The following TBCE variants were observed in gnomAD, a reference collection of about 807,000 sequenced individuals.
The protein encoded by TBCE is tubulin-specific chaperone E.
Under a neutral mutation model 77.0 loss-of-function variants are expected in TBCE, and 53 were observed. The ratio of observed to expected loss-of-function variants is 0.69; its 90% CI spans 0.55 to 0.87. The LOEUF (loss-of-function observed/expected upper bound fraction) is 0.87, where lower values mean the gene tolerates loss of function less well. Among genes scored for constraint, TBCE ranks in the 40% least tolerant of loss-of-function variants. TBCE has a pLI of 0.00. For missense variants in TBCE, 624 were observed against 622.4 expected, an observed-to-expected ratio of 1.00 and a Z score of -0.03; for synonymous variants, 235 against 241.3, an observed-to-expected ratio of 0.97 and a Z score of 0.24.
intron 15 of TBCE, among the ~76,000 whole-genome samples, chr1:235,446,430 G>C (rs1257909434): frequency 3.3e-5 from 5 of 151,970 alleles, no homozygotes; most frequent in Admixed American, 2.0e-4. Context: ...GCCCGCCTCG[G>C]CCTCCCAAAG....
At position 235,436,486 on chromosome 1, in the gene TBCE, C is replaced by G. The variant is rs369669769; in HGVS notation, c.898+36C>G. 2.0e-5 allele frequency: 32 copies of G among 1,610,500 alleles called. 1 individual carries two copies. The highest frequency in any genetic ancestry group is 1.7e-4 in the Middle Eastern group (1 of 6,052). ...TTAGTAAAGTTCCCCACTGCCCCCC[C>G]ACACTATACTTCAGCTACTTTCACT... On this transcript the variant is annotated intron_variant, in intron 10 of 16. Transcript: ENST00000642610.
intron 2 of TBCE, among the ~76,000 whole-genome samples, chr1:235,388,281 T>TTA (rs1244312931): frequency 6.7e-6 from 1 of 149,452 alleles, no homozygotes; most frequent in Admixed American, 6.7e-5. Flanking sequence ...TCTCTGTTAC[T>TTA]TCTTTTTTTT....
Position 235,448,741 on chromosome 1 carries a change from T to G in TBCE, c.1563T>G (p.Asp521Glu). 6.2e-7 allele frequency: 1 copy of G among 1,613,634 alleles called. No individual in the cohort carries two copies. The change falls in exon 17 of 17, where the codon GAT becomes GAG. Residue 521 changes from aspartate (D) to glutamate (E), a missense_variant. Asp to Glu is a conservative substitution (Grantham distance 45). Coordinates refer to ENST00000642610, the MANE Select transcript of TBCE (RefSeq NM_003193.5). ...AGTTTTATTCTGTGGAAAATGGAGA[T>G]TGTCTATTAGTGCGATGGTGACAAC... ...SLQFYSVENGDCLLVRW is the reference protein window; with the variant it reads ...SLQFYSVENGECLLVRW
intron 3 of TBCE, among the ~76,000 whole-genome samples, chr1:235,411,625 C>T (rs1239958533): frequency 6.6e-6 from 1 of 152,124 alleles, no homozygotes; most frequent in African/African-American, 2.4e-5. Flanking sequence ...ATGGCTACTC[C>T]ATAGGCAGAG....
intron 13 of TBCE, among the ~76,000 whole-genome samples, chr1:235,440,404 T>A (rs1033722342): frequency 1.3e-5 from 2 of 151,536 alleles, no homozygotes; most frequent in Admixed American, 6.6e-5. Flanking sequence ...ATATATATAT[T>A]TTTTTGAGAT....
At position 235,422,567 on chromosome 1, in the gene TBCE, C is replaced by T. The variant is rs574579384; in HGVS notation, c.460+3006C>T. Among the ~76,000 whole-genome samples the T allele has an allele frequency of 8.0e-5, 12 of 149,158 alleles. No homozygotes were observed. In the East Asian group the frequency reaches 1.8e-3, roughly 22 times the overall value. On this transcript the variant is annotated intron_variant, in intron 5 of 16. Coordinates refer to ENST00000642610, the MANE Select transcript of TBCE (RefSeq NM_003193.5). Reference sequence around the variant, plus strand: ...CGGGGGGGCCAGGTGTGGTGGCTCACGCCTGTAATTCCAGCACTTTGGGAG... The same window carrying T: ...CGGGGGGGCCAGGTGTGGTGGCTCATGCCTGTAATTCCAGCACTTTGGGAG...
At chr1:235,433,048 TG>T in intron 7 of TBCE, 1 of 1,552,228 alleles carries the variant, frequency 6.4e-7, no homozygotes, top group South Asian at 1.2e-5. Context: ...CACCAGCAAC[TG>T]CATCATCAGT....
In TBCE at chr1:235,374,584, T is replaced by C. The variant is rs186732731; in HGVS notation, c.-31-5435T>C. Among the ~76,000 whole-genome samples, 376 of 145,712 alleles carry C rather than the reference T, an allele frequency of 2.6e-3. 48 individuals are homozygous for C. The highest frequency in any genetic ancestry group is 9.8e-3 in the African/African-American group (370 of 37,754). On this transcript the variant is annotated intron_variant, in intron 1 of 16. Coordinates refer to ENST00000642610, the MANE Select transcript of TBCE (RefSeq NM_003193.5). ...GGTGCAATCTGGGCTCACTGCAACC[T>C]CCGCCTCCTGGATTCAAGTGATTCT...
intron 7 of TBCE, 164 bp from the exon 8 acceptor site, chr1:235,434,040 C>A: frequency 4.3e-6 from 3 of 704,630 alleles, no homozygotes; most frequent in South Asian, 1.5e-5. Flanking sequence ...TTATTTATCA[C>A]CCCCCACCAC....
intron 12 of TBCE, 151 bp downstream of exon 12, chr1:235,437,625 A>G (rs1681550665): frequency 1.1e-6 from 1 of 881,480 alleles, no homozygotes; most frequent in Non-Finnish European, 1.7e-6. Flanking sequence ...CAGCCTGGGC[A>G]ATCTTGTGAA....
In TBCE at chr1:235,427,203, C is replaced by T; in HGVS notation, c.524C>T (p.Ala175Val). ...TCATGGGATGAAGTGATACACATTGCTGATCAGCTCAGACACCTGGAAGTC... is the reference window on the plus strand; with the variant it reads ...TCATGGGATGAAGTGATACACATTGTTGATCAGCTCAGACACCTGGAAGTC... The part of the protein sequence containing the change: ...LSSWDEVIHI[A>V]DQLRHLEVLN... The change falls in exon 6 of 17, where the codon GCT becomes GTT. Residue 175 changes from alanine to valine, a missense_variant. Ala to Val is a moderately conservative substitution (Grantham distance 64, BLOSUM62 0). Coordinates refer to ENST00000642610, the MANE Select transcript of TBCE (RefSeq NM_003193.5). 1 of 1,613,962 alleles carries T rather than the reference C, an allele frequency of 6.2e-7. No homozygotes were observed. The highest frequency in any genetic ancestry group is 8.5e-7 in the Non-Finnish European group (1 of 1,179,924).
intron 4 of TBCE, among the ~76,000 whole-genome samples, chr1:235,417,029 G>C (rs574623224): frequency 2.1e-4 from 32 of 152,322 alleles, no homozygotes; most frequent in African/African-American, 7.5e-4. Context: ...CTGTCAGTTA[G>C]GAGTTGAAAC....
chr1:235,434,219 G>A lies in TBCE; in HGVS notation c.676G>A (p.Ala226Thr), dbSNP rs1681280601. The A allele has an allele frequency of 1.1e-5, 17 of 1,614,066 alleles. No homozygotes were observed. Among genetic ancestry groups the A allele is most frequent in the Non-Finnish European group, 1.4e-5 (16 of 1,180,004 alleles). The change falls in exon 8 of 17, where the codon GCG becomes ACG. Residue 226 changes from alanine to threonine, a missense_variant. Coordinates refer to ENST00000642610, the MANE Select transcript of TBCE (RefSeq NM_003193.5). ...ITWAEVLRCV[A>T]GCPGLEELYL... is the part of the protein sequence containing the mutation. ...TCTCTTCCAGGTGCTGCGGTGTGTC[G>A]CGGGGTGCCCAGGCCTGGAGGAACT...
intron 3 of TBCE, among the ~76,000 whole-genome samples, chr1:235,401,810 C>T (rs374805077): frequency 1.6e-5 from 2 of 128,760 alleles, no homozygotes; most frequent in Non-Finnish European, 3.2e-5. Flanking sequence ...TTATGCATGG[C>T]GTTGCTTTCT....
rs548714828 is a variant in TBCE at position 235,437,744 on chromosome 1, C to G, written c.1116+270C>G. 4.6e-5 allele frequency among the ~76,000 whole-genome samples: 7 copies of G among 151,184 alleles called. No individual in the cohort carries two copies. In the South Asian group the frequency reaches 1.5e-3, roughly 32 times the overall value. Reference sequence around the variant, plus strand: ...CTGAAGTGGGAGAATCACCTGAGCCCGGGAGGCCAAGGCTGCAGTGAGCCA... The same window carrying G: ...CTGAAGTGGGAGAATCACCTGAGCCGGGGAGGCCAAGGCTGCAGTGAGCCA... On this transcript the variant is annotated intron_variant, in intron 12 of 16. Transcript: ENST00000642610.
chr1:235,391,837 C>A (rs1678410528), intron 2 of TBCE, among the ~76,000 whole-genome samples: 1 of 151,702 alleles, frequency 6.6e-6, no homozygotes, highest in South Asian at 2.1e-4. Context: ...GAACACCTGA[C>A]CTGAGGTGAT....
At chr1:235,386,592 A>G (rs1374799801) in intron 2 of TBCE, among the ~76,000 whole-genome samples, 93 of 151,712 alleles carry the variant, frequency 6.1e-4, no homozygotes, top group African/African-American at 2.0e-3. Context: ...TGATTGCATC[A>G]GCTCCTGAGG....
chr1:235,399,453 C>CTA (rs200618952), intron 2 of TBCE, among the ~76,000 whole-genome samples: 1,587 of 152,240 alleles, frequency 0.01, 8 homozygotes, highest in Non-Finnish European at 0.014. Flanking sequence ...AGGCAGAACT[C>CTA]TAATCTTCTT....
At chr1:235,418,363 C>T (rs968189476) in intron 4 of TBCE, 1 of 152,182 alleles carries the variant, frequency 6.6e-6, no homozygotes, top group African/African-American at 2.4e-5. Context: ...ATTCACTTCT[C>T]CAAAGCCAAA....
Sources: allele counts gnomAD v4.1 joint callset (sites outside exome capture counted in the v4.1 genomes callset), GRCh38; gene constraint gnomAD v4.1.1; transcripts MANE v1.5; gene names NCBI Gene and HGNC (gene_info 2026-07-23, HGNC 2026-07-21).